The following PRKAG2 variants were observed in gnomAD, a reference collection of about 807,000 sequenced individuals.
The protein encoded by PRKAG2 is 5'-AMP-activated protein kinase subunit gamma-2.
A neutral mutation model predicts 69.6 loss-of-function variants in PRKAG2; 26 were observed. The observed-to-expected ratio is 0.37, with a 90% confidence interval of 0.27 to 0.52. The LOEUF (loss-of-function observed/expected upper bound fraction) is 0.52, where lower values mean the gene tolerates loss of function less well. Ranked by LOEUF, PRKAG2 falls within the 20% of genes least tolerant of loss-of-function variation. The pLI is 0.90. For synonymous variants in PRKAG2, 293 were observed against 285.0 expected (o/e 1.03, Z -0.28); for missense variants, 557 against 740.0 (o/e 0.75, Z 2.87).
chr7:151,744,672 A>T (rs1219043326), intron 3 of PRKAG2, among the ~76,000 whole-genome samples: 1 of 152,208 alleles, frequency 6.6e-6, no homozygotes, highest in Non-Finnish European at 1.5e-5. Flanking sequence ...CATATGAGAG[A>T]AAAGTCACTG....
intron 1 of PRKAG2, among the ~76,000 whole-genome samples, chr7:151,874,193 T>C (rs924503987): frequency 6.7e-5 from 8 of 119,558 alleles, no homozygotes; most frequent in Non-Finnish European, 1.4e-4. Context: ...TATGTATATG[T>C]ATATGATGTA....
intron 4 of PRKAG2, among the ~76,000 whole-genome samples, chr7:151,663,350 A>G (rs191096782): frequency 5.3e-4 from 80 of 152,254 alleles, no homozygotes; most frequent in Non-Finnish European, 7.4e-5. Flanking sequence ...ACTCTGCTGG[A>G]TTATTTACCA....
intron 4 of PRKAG2, among the ~76,000 whole-genome samples, chr7:151,653,992 A>C (rs146170702): frequency 7.9e-5 from 12 of 152,328 alleles, no homozygotes; most frequent in African/African-American, 2.9e-4. Flanking sequence ...CTTATATGCA[A>C]TATAATTTTA....
intron 5 of PRKAG2, among the ~76,000 whole-genome samples, chr7:151,622,535 T>TC (rs1179638127): frequency 6.6e-6 from 1 of 152,170 alleles, no homozygotes; most frequent in African/African-American, 2.4e-5. Flanking sequence ...CTCAAGGTAC[T>TC]CCCAGTTCAA....
At position 151,808,830 on chromosome 7, in the gene PRKAG2, T is replaced by G. The variant is rs867890297; in HGVS notation, c.115-22289A>C. ...GCCAGGGAGGAGCAGCTGCAAGTCC[T>G]GCAGTCTGTGAGACCCCCGAAGGGT... is the stretch of plus-strand genomic sequence containing the variant. On this transcript the variant is annotated intron_variant, in intron 1 of 15. Coordinates refer to ENST00000287878, the MANE Select transcript of PRKAG2 (RefSeq NM_016203.4). 1.2e-4 allele frequency among the ~76,000 whole-genome samples: 19 copies of G among 152,300 alleles called. No homozygotes were observed. The South Asian group carries it at 2.5e-3, about 20-fold the overall frequency.
At position 151,632,367 on chromosome 7, in the gene PRKAG2, C is replaced by A; in HGVS notation, c.685-229G>T. 1 of 502,056 alleles carries A rather than the reference C, an allele frequency of 2.0e-6. No homozygotes were observed. Among genetic ancestry groups the A allele is most frequent in the Non-Finnish European group, 2.6e-6 (1 of 390,484 alleles). 31.1% of individuals were successfully genotyped at this position (502,056 alleles called of 1,614,324 possible). ...TGGCGCGGCCGCGGCCCGCGTGCCC[C>A]TCCGCGAGTGGGACGCGCCGCTCCC... On this transcript the variant is annotated intron_variant, in intron 4 of 15. Coordinates refer to ENST00000287878, the MANE Select transcript of PRKAG2 (RefSeq NM_016203.4). This position sits in a 1 kb window ranked among gnomAD's most constrained non-coding sequence, Gnocchi z 4.2.
At position 151,699,426 on chromosome 7, in the gene PRKAG2, C is replaced by T. The variant is rs1032014209; in HGVS notation, c.467-23789G>A. ...AGAGGCGCTAAGGTGGCCCTGGAGC[C>T]GTGAATTCACTGGGATTGAGATCAT... is the stretch of plus-strand genomic sequence containing the variant. On this transcript the variant is annotated intron_variant, in intron 3 of 15. Coordinates refer to ENST00000287878, the MANE Select transcript of PRKAG2 (RefSeq NM_016203.4). The surrounding 1 kb of genome is among the most constrained non-coding windows in gnomAD (Gnocchi z 4.5). Among the ~76,000 whole-genome samples the T allele has an allele frequency of 2.0e-5, 3 of 152,164 alleles. No individual in the cohort carries two copies. Among genetic ancestry groups the T allele is most frequent in the East Asian group, 1.9e-4 (1 of 5,186 alleles).
At position 151,605,983 on chromosome 7, in the gene PRKAG2, G is replaced by T. The variant is rs374035233; in HGVS notation, c.755-10529C>A. ...AATTGCTTCAACCCAGGACATGGAG[G>T]TTGCAGTGAGCTGAGATTGTGCTAC... On this transcript the variant is annotated intron_variant, in intron 5 of 15. Transcript: ENST00000287878. 2.6e-5 allele frequency among the ~76,000 whole-genome samples: 4 copies of T among 151,696 alleles called. 1 individual carries two copies.
chr7:151,659,263 A>G (rs1369852999), intron 4 of PRKAG2, among the ~76,000 whole-genome samples: 1 of 152,194 alleles, frequency 6.6e-6, no homozygotes, highest in Non-Finnish European at 1.5e-5. Flanking sequence ...TGTTTTATCC[A>G]GGCCATAGAT....
intron 5 of PRKAG2, among the ~76,000 whole-genome samples, chr7:151,611,100 A>T (rs1291575206): frequency 6.6e-6 from 1 of 152,098 alleles, no homozygotes; most frequent in East Asian, 1.9e-4. Flanking sequence ...GGGAGCTCTA[A>T]ATAAGTCATT....
At chr7:151,846,103 A>G (rs2079425992) in intron 1 of PRKAG2, among the ~76,000 whole-genome samples, 1 of 152,212 alleles carries the variant, frequency 6.6e-6, no homozygotes, top group East Asian at 1.9e-4. Flanking sequence ...CCTGATGGGC[A>G]GCTGTTTATT....
intron 5 of PRKAG2, among the ~76,000 whole-genome samples, chr7:151,598,708 AC>A (rs1484144085): frequency 6.6e-6 from 1 of 152,244 alleles, no homozygotes; most frequent in Non-Finnish European, 1.5e-5. Context: ...TTTTAAAGGT[AC>A]TATTTACATA....
At chr7:151,668,298 C>T (rs953224194) in intron 4 of PRKAG2, among the ~76,000 whole-genome samples, 39 of 152,210 alleles carry the variant, frequency 2.6e-4, no homozygotes, top group African/African-American at 8.4e-4. Flanking sequence ...GCTGCTCCAT[C>T]TTGAGCTTTC....
chr7:151,572,653 A>T lies in PRKAG2; in HGVS notation c.1051+11T>A. 1.9e-6 allele frequency: 3 copies of T among 1,590,660 alleles called. No individual in the cohort carries two copies. Among genetic ancestry groups the T allele is most frequent in the Non-Finnish European group, 2.6e-6 (3 of 1,160,984 alleles). On this transcript the variant is annotated intron_variant, in intron 9 of 15. Transcript: ENST00000287878. ...GATACTAAAAGATTTTAAACATCCA[A>T]TAGTGCTTACCCCTCCATGTTTCAA... is the stretch of plus-strand genomic sequence containing the variant.
At chr7:151,576,486 CA>C in intron 6 of PRKAG2, 34 bp from the exon 7 acceptor site, 1 of 1,516,598 alleles carries the variant, frequency 6.6e-7, no homozygotes, top group Non-Finnish European at 9.1e-7. Flanking sequence ...AACATACTTT[CA>C]AAGTCCAGGA....
chr7:151,865,310 G>A (rs1429365852), intron 1 of PRKAG2, among the ~76,000 whole-genome samples: 1 of 152,268 alleles, frequency 6.6e-6, no homozygotes, highest in Non-Finnish European at 1.5e-5. Flanking sequence ...AGGCGAGGCT[G>A]TCCTGGGGCC....
chr7:151,676,081 A>G (rs1230715408), intron 3 of PRKAG2, among the ~76,000 whole-genome samples: 1 of 152,122 alleles, frequency 6.6e-6, no homozygotes, highest in Non-Finnish European at 1.5e-5. Flanking sequence ...TCCTCCATTC[A>G]GCCAAATATC....
chr7:151,587,100 C>G (rs1274222587), intron 6 of PRKAG2, among the ~76,000 whole-genome samples: 1 of 152,118 alleles, frequency 6.6e-6, no homozygotes, highest in African/African-American at 2.4e-5. Flanking sequence ...GAGATTGCGC[C>G]ACTGAACTCC....
intron 1 of PRKAG2, among the ~76,000 whole-genome samples, chr7:151,848,924 T>C (rs1051033580): frequency 2.0e-4 from 31 of 152,324 alleles, no homozygotes; most frequent in Middle Eastern, 3.4e-3. Flanking sequence ...AGACATCATC[T>C]CATTTGATCT....
Sources: gnomAD v4.1 joint callset for allele counts (sites outside exome capture counted in the v4.1 genomes callset) on GRCh38, gnomAD v4.1.1 for gene constraint, Gnocchi (gnomAD v3.1) non-coding constraint, MANE v1.5 for transcripts, NCBI Gene and HGNC (gene_info 2026-07-23, HGNC 2026-07-21) for gene names.